The following RPGR variants were observed in gnomAD, a reference collection of about 807,000 sequenced individuals.
RPGR encodes retinitis pigmentosa GTPase regulator.
In RPGR, 10 loss-of-function variants were observed where a neutral mutation model predicts 56.3. The observed-to-expected ratio is 0.18, with a 90% confidence interval of 0.11 to 0.30. RPGR has a LOEUF of 0.30. Ranked by LOEUF, RPGR falls within the 10% of genes least tolerant of loss-of-function variation. The probability of loss-of-function intolerance (pLI) is 1.00; values close to 1 mark genes in which losing one functional copy is unlikely to be tolerated. For synonymous variants in RPGR, 197 were observed against 212.9 expected, an observed-to-expected ratio of 0.93 and a Z score of 0.65; for missense variants, 538 against 590.9, an observed-to-expected ratio of 0.91 and a Z score of 0.93.
At chrX:38,279,539 T>TGGGGGAG (rs2066992478) in intron 15 of RPGR, among the ~76,000 whole-genome samples, 1 of 17,100 alleles carries the variant, frequency 5.8e-5, no homozygotes, top group Non-Finnish European at 1.2e-4. Context: ...AATGCTGGGA[T>TGGGGGAG]GGGGGCTGGG....
chrX:38,287,177 C>T lies in RPGR; in HGVS notation c.1822G>A (p.Ala608Thr), dbSNP rs2067202037. 8.3e-7 allele frequency: 1 copy of T among 1,210,980 alleles called. No homozygotes were observed. The highest frequency in any genetic ancestry group is 1.7e-5 in the African/African-American group (1 of 57,663). ...TGCACCTTCACATTTTCCTCATTTG[C>T]TTCTACCTCTTGCTCCTCTATTCCA... The change falls in exon 15 of 19, where the codon GCA becomes ACA. Residue 608 changes from alanine (A) to threonine (T), a missense_variant. Around this residue, in one of 2 missense-constraint regions of RPGR, gnomAD observed 357 missense variants for 325.8 expected, o/e 1.10. Transcript: ENST00000642395.
chrX:38,310,004 G>C (rs1457168169), intron 7 of RPGR, among the ~76,000 whole-genome samples: 4 of 110,784 alleles, frequency 3.6e-5, no homozygotes, highest in Non-Finnish European at 7.6e-5. Flanking sequence ...TTTGAGACGA[G>C]GTCTTGCTCT....
At chrX:38,317,285 G>A in intron 6 of RPGR, 31 bp downstream of exon 6, 1 of 1,172,851 alleles carries the variant, frequency 8.5e-7, no homozygotes, top group Non-Finnish European at 1.2e-6. Context: ...AGAAGTGGGA[G>A]ATAACATGAT....
intron 18 of RPGR, chrX:38,273,328 A>G (rs1412430578): frequency 1.0e-6 from 1 of 958,770 alleles, no homozygotes; most frequent in Non-Finnish European, 1.5e-6. Context: ...TGCCATATGA[A>G]AAGTAAAACA....
At chrX:38,293,386 A>T (rs112177334) in intron 11 of RPGR, among the ~76,000 whole-genome samples, 4,447 of 112,176 alleles carry the variant, frequency 0.04, 101 homozygotes, top group South Asian at 0.11. Context: ...GTAGACTACC[A>T]TAATACATTA....
intron 6 of RPGR, among the ~76,000 whole-genome samples, chrX:38,316,731 T>A (rs2067834804): frequency 8.9e-6 from 1 of 111,801 alleles, no homozygotes; most frequent in African/African-American, 3.2e-5. Flanking sequence ...TGCTACCAAT[T>A]CATTGGTAAC....
At chrX:38,273,248 G>A (rs1026994145) in intron 18 of RPGR, 7 of 465,929 alleles carry the variant, frequency 1.5e-5, no homozygotes, top group Admixed American at 6.7e-5. Flanking sequence ...AAAAATATGC[G>A]ACATCACCTG....
intron 15 of RPGR, among the ~76,000 whole-genome samples, chrX:38,280,627 GGC>G (rs893263456): frequency 9.0e-6 from 1 of 111,560 alleles, no homozygotes; most frequent in African/African-American, 3.3e-5. Context: ...TGACCTTCAG[GGC>G]TCAAGCGATC....
At position 38,323,370 on chromosome X, in the gene RPGR, C is replaced by T. The variant is rs772850475; in HGVS notation, c.154+29G>A. 2.2e-5 allele frequency: 26 copies of T among 1,169,671 alleles called. No individual in the cohort carries two copies. In the Admixed American group the frequency reaches 5.8e-4, roughly 26 times the overall value. ...AATATTTAGAATTTTCTAAGTATTA[C>T]TGTCCTTATTCAGGATTGTAATACT... On this transcript the variant is annotated intron_variant, in intron 2 of 18. Coordinates refer to ENST00000642395, the MANE Select transcript of RPGR (RefSeq NM_000328.3).
intron 10 of RPGR, 38 bp downstream of exon 10, chrX:38,298,918 T>A (rs1456334786): frequency 5.9e-6 from 7 of 1,178,984 alleles, no homozygotes. Flanking sequence ...TTTGCAGTGC[T>A]AGATAATACT....
At chrX:38,315,838 T>TAGAGAGAG (rs34373117) in intron 6 of RPGR, among the ~76,000 whole-genome samples, 46 of 90,826 alleles carry the variant, frequency 5.1e-4, no homozygotes, top group African/African-American at 1.5e-3. Context: ...TATATATATA[T>TAGAGAGAG]AGAGAGAGAG....
chrX:38,312,756 C>A (rs1021077998), intron 6 of RPGR, among the ~76,000 whole-genome samples: 3 of 111,445 alleles, frequency 2.7e-5, no homozygotes, highest in Non-Finnish European at 3.8e-5. Context: ...CCAGTCTGGG[C>A]AACATGGTGA....
At chrX:38,323,591 G>C (rs937145412) in intron 1 of RPGR, 67 bp from the exon 2 acceptor site, 21 of 1,133,566 alleles carry the variant, frequency 1.9e-5, no homozygotes, top group Middle Eastern at 6.8e-4. Flanking sequence ...AATAACTTTT[G>C]AGTAATTTAT....
chrX:38,315,902 T>C (rs1004209324), intron 6 of RPGR, among the ~76,000 whole-genome samples: 2 of 108,107 alleles, frequency 1.9e-5, no homozygotes, highest in African/African-American at 6.7e-5. Context: ...TATATATATA[T>C]TATGTACCCA....
intron 13 of RPGR, among the ~76,000 whole-genome samples, chrX:38,289,025 G>T (rs2067240983): frequency 9.0e-6 from 1 of 110,841 alleles, no homozygotes; most frequent in African/African-American, 3.3e-5. Context: ...CAAGTGATCT[G>T]CCCATCTTGG....
chrX:38,301,337 G>T lies in RPGR; in HGVS notation c.969C>A (p.Arg323=). 1 of 1,206,788 alleles carries T rather than the reference G, an allele frequency of 8.3e-7. No individual in the cohort carries two copies. The highest frequency in any genetic ancestry group is 3.0e-5 in the East Asian group (1 of 33,805). ...CCAGTCCAAGTCCTAATTTTCCGTG[G>T]CGACCATCTCCAAAAGTATACATAA... Residue 323 remains arginine, a synonymous_variant, in exon 9 of 19, where the codon CGC becomes CGA. Transcript: ENST00000642395.
chrX:38,317,595 T>C, intron 5 of RPGR, 130 bp from the exon 6 acceptor site: 1 of 551,818 alleles, frequency 1.8e-6, no homozygotes, highest in Non-Finnish European at 2.9e-6. Flanking sequence ...AAAGTACTAC[T>C]AAGACATTTA....
intron 9 of RPGR, among the ~76,000 whole-genome samples, chrX:38,300,888 C>T (rs761814053): frequency 8.9e-6 from 1 of 111,947 alleles, no homozygotes; most frequent in Non-Finnish European, 1.9e-5. Context: ...GAGAGTCTAA[C>T]ATTTAATTCA....
At chrX:38,275,168 TA>T in intron 16 of RPGR, 1 of 1,177,662 alleles carries the variant, frequency 8.5e-7, no homozygotes, top group Non-Finnish European at 1.2e-6. Context: ...AACAAAGCAA[TA>T]TAACAAAAAA....
Sources: allele counts gnomAD v4.1 joint callset (sites outside exome capture counted in the v4.1 genomes callset), GRCh38; gene constraint gnomAD v4.1.1; regional missense constraint gnomAD v4.1.1; transcripts MANE v1.5; gene names NCBI Gene and HGNC (gene_info 2026-07-23, HGNC 2026-07-21).